The following LRP1B variants were observed in gnomAD, a reference collection of about 807,000 sequenced individuals.
LRP1B encodes the protein LDL receptor related protein 1B.
Under a neutral mutation model 556.6 loss-of-function variants are expected in LRP1B, and 217 were observed. That is an observed-to-expected ratio of 0.39 (90% confidence interval 0.35 to 0.44). The LOEUF (loss-of-function observed/expected upper bound fraction) is 0.44. Ranked by LOEUF, LRP1B falls within the 20% of genes least tolerant of loss-of-function variation. The pLI is 1.00. For missense variants in LRP1B, 5,053 were observed against 5,620.8 expected, an observed-to-expected ratio of 0.90 and a Z score of 3.23; for synonymous variants, 2,047 against 1,865.8, an observed-to-expected ratio of 1.10 and a Z score of -2.50.
At chr2:141,712,517 C>T (rs777607060) in intron 2 of LRP1B, among the ~76,000 whole-genome samples, 2 of 152,098 alleles carry the variant, frequency 1.3e-5, no homozygotes, top group Non-Finnish European at 2.9e-5. Flanking sequence ...CCCTTTATAT[C>T]TCAGTGCTCT....
intron 3 of LRP1B, among the ~76,000 whole-genome samples, chr2:141,325,889 G>A (rs1687411149): frequency 6.6e-6 from 1 of 152,100 alleles, no homozygotes; most frequent in Admixed American, 6.6e-5. Flanking sequence ...TTGATAGTCT[G>A]TGTGGCTAAA....
chr2:141,070,029 C>T (rs1162777507), intron 7 of LRP1B, among the ~76,000 whole-genome samples: 1 of 147,400 alleles, frequency 6.8e-6, no homozygotes, highest in East Asian at 2.1e-4. Context: ...GTTCAATTCC[C>T]ACCTATGAGT....
chr2:140,322,128 G>A (rs570168652), intron 81 of LRP1B, 40 bp from the exon 82 acceptor site: 1 of 1,572,022 alleles, frequency 6.4e-7, no homozygotes, highest in Non-Finnish European at 8.6e-7. Flanking sequence ...TGTAAATATA[G>A]ATACAATAGG....
intron 54 of LRP1B, 135 bp from the exon 55 acceptor site, chr2:140,502,009 T>A: frequency 1.6e-6 from 1 of 625,990 alleles, no homozygotes. Flanking sequence ...ATCTTTTACA[T>A]ATTCAGTATA....
intron 15 of LRP1B, among the ~76,000 whole-genome samples, chr2:140,997,145 G>T (rs542732350): frequency 6.6e-6 from 1 of 151,900 alleles, no homozygotes; most frequent in South Asian, 2.1e-4. Flanking sequence ...ATTTAACCAG[G>T]ATCAAAAGTA....
At chr2:141,704,960 A>C (rs149484775) in intron 2 of LRP1B, among the ~76,000 whole-genome samples, 260 of 152,140 alleles carry the variant, frequency 1.7e-3, no homozygotes, top group Middle Eastern at 0.014. Flanking sequence ...TGTATCTTAT[A>C]GGTTACTGGT....
At chr2:141,061,457 T>C (rs1018163604) in intron 8 of LRP1B, among the ~76,000 whole-genome samples, 2 of 151,782 alleles carry the variant, frequency 1.3e-5, no homozygotes, top group East Asian at 3.9e-4. Flanking sequence ...AGATCTCTTT[T>C]AGGCATTCAC....
chr2:141,667,408 C>T (rs1690484666), intron 2 of LRP1B, among the ~76,000 whole-genome samples: 1 of 152,038 alleles, frequency 6.6e-6, no homozygotes, highest in African/African-American at 2.4e-5. Flanking sequence ...GAAAATATAC[C>T]ACTTCCATAA....
intron 3 of LRP1B, among the ~76,000 whole-genome samples, chr2:141,295,991 A>C (rs2105419529): frequency 6.6e-6 from 1 of 152,296 alleles, no homozygotes; most frequent in South Asian, 2.1e-4. Flanking sequence ...CAGACATGAA[A>C]ATTCTGGCTA....
chr2:141,265,512 T>C (rs1684852729), intron 3 of LRP1B, among the ~76,000 whole-genome samples: 2 of 152,182 alleles, frequency 1.3e-5, no homozygotes, highest in South Asian at 4.1e-4. Context: ...AGATCATTCC[T>C]TAATTTGTTC....
intron 3 of LRP1B, among the ~76,000 whole-genome samples, chr2:141,257,927 G>A (rs113933525): frequency 0.024 from 3,675 of 152,282 alleles, 72 homozygotes; most frequent in Non-Finnish European, 0.036. Context: ...ATAGTTAAAA[G>A]CATATCAGAT....
chr2:141,124,910 C>T (rs551465463), intron 7 of LRP1B, among the ~76,000 whole-genome samples: 2 of 152,164 alleles, frequency 1.3e-5, no homozygotes, highest in East Asian at 3.9e-4. Flanking sequence ...CAGAGTCAGC[C>T]GTGTCTGTTT....
chr2:142,058,278 T>C (rs939178541), intron 1 of LRP1B, among the ~76,000 whole-genome samples: 2 of 152,112 alleles, frequency 1.3e-5, no homozygotes, highest in Non-Finnish European at 2.9e-5. Context: ...TAAAGTGGTA[T>C]ATACCATGAT....
At chr2:141,426,626 G>T (rs971559304) in intron 3 of LRP1B, among the ~76,000 whole-genome samples, 10 of 152,154 alleles carry the variant, frequency 6.6e-5, no homozygotes, top group South Asian at 4.1e-4. Context: ...GGAGCAGCTA[G>T]AAAGTGATTC....
intron 2 of LRP1B, among the ~76,000 whole-genome samples, chr2:141,538,420 T>TA (rs1226895320): frequency 6.6e-6 from 1 of 152,124 alleles, no homozygotes; most frequent in Non-Finnish European, 1.5e-5. Flanking sequence ...GAATCACCAC[T>TA]AAAAAGCCTT....
chr2:140,691,818 A>G (rs948134787), intron 41 of LRP1B, among the ~76,000 whole-genome samples: 1 of 152,186 alleles, frequency 6.6e-6, no homozygotes, highest in African/African-American at 2.4e-5. Flanking sequence ...GATTATTTTG[A>G]AAGTTATTTA....
intron 21 of LRP1B, among the ~76,000 whole-genome samples, chr2:140,914,681 A>C (rs1694522283): frequency 6.6e-6 from 1 of 152,162 alleles, no homozygotes; most frequent in African/African-American, 2.4e-5. Flanking sequence ...ATTATATTTT[A>C]AAATTAAATA....
intron 43 of LRP1B, among the ~76,000 whole-genome samples, chr2:140,562,895 C>T (rs554135929): frequency 5.3e-5 from 8 of 152,156 alleles, no homozygotes; most frequent in African/African-American, 1.9e-4. Context: ...GGATTACAAG[C>T]ATGAGCCACC....
intron 47 of LRP1B, among the ~76,000 whole-genome samples, chr2:140,527,844 G>A (rs1215550793): frequency 1.3e-5 from 2 of 151,770 alleles, no homozygotes; most frequent in Admixed American, 6.6e-5. Flanking sequence ...CTGTCTACTA[G>A]TAGTTTCTTA....
Sources: allele counts gnomAD v4.1 joint callset (sites outside exome capture counted in the v4.1 genomes callset), GRCh38; gene constraint gnomAD v4.1.1; transcripts MANE v1.5; gene names NCBI Gene and HGNC (gene_info 2026-07-23, HGNC 2026-07-21).